CEP57: variants seen among roughly 807,000 people sequenced by gnomAD.
The protein encoded by CEP57 is centrosomal protein of 57 kDa.
Under a neutral mutation model 68.0 loss-of-function variants are expected in CEP57, and 40 were observed. The observed-to-expected ratio is 0.59, with a 90% confidence interval of 0.46 to 0.77. CEP57 has a LOEUF of 0.77. Ranked by LOEUF, CEP57 falls within the 30% of genes least tolerant of loss-of-function variation. CEP57 has a pLI of 0.00. For missense variants in CEP57, 606 were observed against 580.7 expected, an observed-to-expected ratio of 1.04 and a Z score of -0.45; for synonymous variants, 219 against 198.7, an observed-to-expected ratio of 1.10 and a Z score of -0.86.
At chr11:95,815,879 A>T (rs1018380535) in intron 4 of CEP57, among the ~76,000 whole-genome samples, 1 of 152,208 alleles carries the variant, frequency 6.6e-6, no homozygotes, top group Non-Finnish European at 1.5e-5. Flanking sequence ...TACATTGCCT[A>T]AAGTTTTATA....
chr11:95,805,944 T>G (rs1311655362), intron 2 of CEP57, among the ~76,000 whole-genome samples: 1 of 152,170 alleles, frequency 6.6e-6, no homozygotes, highest in East Asian at 1.9e-4. Context: ...CATATGAAAC[T>G]GTAAATATAA....
Position 95,827,895 on chromosome 11 carries a change from T to C in CEP57, c.995T>C (p.Leu332Ser). The change falls in exon 9 of 11, where the codon TTG (leucine) becomes TCG (serine). Residue 332 changes from leucine (L) to serine (S), a missense_variant. Physicochemically the swap from Leu to Ser is moderately radical, Grantham distance 145. Coordinates refer to ENST00000325542, the MANE Select transcript of CEP57 (RefSeq NM_014679.5). ...CNDRVINSIP[L>S]AKQVSSRGGK... ...GATCGAGTCATCAACAGTATTCCTTTGGCAAAGCAAGTATCTTCACGAGGT... is the reference window on the plus strand; with the variant it reads ...GATCGAGTCATCAACAGTATTCCTTCGGCAAAGCAAGTATCTTCACGAGGT... 6.2e-7 allele frequency: 1 copy of C among 1,614,172 alleles called. No individual in the cohort carries two copies.
At chr11:95,828,188 A>T (rs1427683145) in intron 9 of CEP57, among the ~76,000 whole-genome samples, 161 bp downstream of exon 9, 2 of 152,246 alleles carry the variant, frequency 1.3e-5, no homozygotes, top group African/African-American at 4.8e-5. Context: ...AATACAACTA[A>T]TAAGGGTAAA....
chr11:95,806,638 TGA>T (rs1459271175), intron 2 of CEP57, among the ~76,000 whole-genome samples: 1 of 152,112 alleles, frequency 6.6e-6, no homozygotes, highest in African/African-American at 2.4e-5. Context: ...CACAGCAGTC[TGA>T]GATCCAACTG....
At chr11:95,801,262 G>T (rs1351248380) in intron 2 of CEP57, among the ~76,000 whole-genome samples, 3 of 152,014 alleles carry the variant, frequency 2.0e-5, no homozygotes, top group Admixed American at 6.6e-5. Flanking sequence ...TGTCTTTTAA[G>T]AATTTTAGTA....
At chr11:95,790,874 C>T (rs978077927) in intron 1 of CEP57, 131 bp downstream of exon 1, 30 of 1,032,536 alleles carry the variant, frequency 2.9e-5, no homozygotes, top group Non-Finnish European at 4.1e-5. Flanking sequence ...CCTAGATTGC[C>T]CCGCGCTCCC....
rs80271969 is a variant in CEP57 at position 95,801,924 on chromosome 11, A to C, written c.202+2536A>C. ...CGGTGAACTATTTAAGCAATGTCCCAGGATAATTATTATAATCCATTATCC... is the reference window on the plus strand; with the variant it reads ...CGGTGAACTATTTAAGCAATGTCCCCGGATAATTATTATAATCCATTATCC... On this transcript the variant is annotated intron_variant, in intron 2 of 10. Transcript: ENST00000325542. 7.9e-3 allele frequency among the ~76,000 whole-genome samples: 1,209 copies of C among 152,342 alleles called. 24 individuals are homozygous for C. The highest frequency in any genetic ancestry group is 0.028 in the African/African-American group (1,151 of 41,586).
At chr11:95,822,130 T>C in intron 7 of CEP57, 152 bp downstream of exon 7, 1 of 659,974 alleles carries the variant, frequency 1.5e-6, no homozygotes, top group Non-Finnish European at 2.7e-6. Context: ...AAGTAATACC[T>C]ACTCCTAAAT....
intron 1 of CEP57, among the ~76,000 whole-genome samples, chr11:95,792,987 C>A (rs1489937101): frequency 6.6e-6 from 1 of 151,856 alleles, no homozygotes; most frequent in South Asian, 2.1e-4. Context: ...TCAGATTTCA[C>A]GGTTATGAAG....
rs913992119 is a variant in CEP57 at position 95,790,589 on chromosome 11, C to G, written c.-110C>G. 2.2e-6 allele frequency: 3 copies of G among 1,340,928 alleles called. No individual in the cohort carries two copies. The highest frequency in any genetic ancestry group is 2.9e-5 in the African/African-American group (2 of 68,876). 83.1% of individuals were successfully genotyped at this position (1,340,928 alleles called of 1,614,324 possible). A position where few individuals can be genotyped will look rare whatever the true frequency, so the allele number is the denominator to read the frequency against. On this transcript the variant is annotated 5_prime_UTR_variant, in exon 1 of 11. In the 5' UTR this introduces an upstream ATG that the reference lacks. Coordinates refer to ENST00000325542, the MANE Select transcript of CEP57 (RefSeq NM_014679.5). ...CACCAGCACCCTTGCCCTTTTCCATCAGGGGTTCAGCCTAGGGTCCCCGCT... is the reference window on the plus strand; with the variant it reads ...CACCAGCACCCTTGCCCTTTTCCATGAGGGGTTCAGCCTAGGGTCCCCGCT...
intron 7 of CEP57, 119 bp from the exon 8 acceptor site, chr11:95,822,380 A>C (rs571439585): frequency 1.3e-6 from 1 of 754,094 alleles, no homozygotes; most frequent in East Asian, 2.7e-5. Flanking sequence ...CATAATGCCA[A>C]CTATAGATAA....
At chr11:95,822,687 C>T in intron 8 of CEP57, 111 bp downstream of exon 8, 1 of 999,168 alleles carries the variant, frequency 1.0e-6, no homozygotes, top group Non-Finnish European at 1.6e-6. Context: ...GTGCCTTTAC[C>T]AGTGTGTGGA....
intron 1 of CEP57, chr11:95,794,425 C>A: frequency 2.4e-6 from 1 of 419,628 alleles, no homozygotes; most frequent in South Asian, 1.7e-5. Context: ...TACCAACAAC[C>A]CTCTTTATTT....
chr11:95,798,407 A>T (rs1434350358), intron 1 of CEP57, among the ~76,000 whole-genome samples: 1 of 152,198 alleles, frequency 6.6e-6, no homozygotes, highest in Non-Finnish European at 1.5e-5. Flanking sequence ...ATGAACACGG[A>T]TTATTCTGGT....
intron 1 of CEP57, among the ~76,000 whole-genome samples, chr11:95,796,618 A>G (rs949797038): frequency 2.0e-5 from 3 of 152,176 alleles, no homozygotes. Flanking sequence ...AAACTCCTTT[A>G]TTAGAACTTA....
chr11:95,807,503 A>C (rs1240959058), intron 2 of CEP57, among the ~76,000 whole-genome samples: 3 of 152,192 alleles, frequency 2.0e-5, no homozygotes, highest in African/African-American at 7.2e-5. Flanking sequence ...ACTAGAATAA[A>C]CAGCGTAGAG....
chr11:95,802,428 T>C (rs529453116), intron 2 of CEP57, among the ~76,000 whole-genome samples: 9 of 152,108 alleles, frequency 5.9e-5, no homozygotes, highest in African/African-American at 1.9e-4. Flanking sequence ...CTAATTTTTG[T>C]ATTTTTAGTA....
intron 2 of CEP57, among the ~76,000 whole-genome samples, chr11:95,806,358 C>T (rs1196274975): frequency 6.6e-6 from 1 of 152,170 alleles, no homozygotes; most frequent in African/African-American, 2.4e-5. Context: ...ATACCGGGTT[C>T]ATCTCACTGG....
At chr11:95,797,863 A>G (rs953334133) in intron 1 of CEP57, among the ~76,000 whole-genome samples, 2 of 152,182 alleles carry the variant, frequency 1.3e-5, no homozygotes, top group East Asian at 1.9e-4. Flanking sequence ...GTCACTTAAT[A>G]TTTTTGAATA....
Sources: gnomAD v4.1 joint callset for allele counts (sites outside exome capture counted in the v4.1 genomes callset) on GRCh38, gnomAD v4.1.1 for gene constraint, MANE v1.5 for transcripts, NCBI Gene and HGNC (gene_info 2026-07-23, HGNC 2026-07-21) for gene names.